The following TCERG1L variants were observed in gnomAD, a reference collection of about 807,000 sequenced individuals.
The protein encoded by TCERG1L is transcription elongation regulator 1 like.
TCERG1L carries 37 observed loss-of-function variants against 56.3 expected under a neutral mutation model. That is an observed-to-expected ratio of 0.66 (90% confidence interval 0.51 to 0.87). The LOEUF (loss-of-function observed/expected upper bound fraction) is 0.87. Among genes scored for constraint, TCERG1L ranks in the 40% least tolerant of loss-of-function variants. The pLI is 0.00. For missense variants in TCERG1L, 799 were observed against 774.2 expected, an observed-to-expected ratio of 1.03 and a Z score of -0.38; for synonymous variants, 324 against 326.3, an observed-to-expected ratio of 0.99 and a Z score of 0.08.
At chr10:131,263,268 T>C (rs1051677237) in intron 3 of TCERG1L, among the ~76,000 whole-genome samples, 2 of 152,182 alleles carry the variant, frequency 1.3e-5, no homozygotes, top group East Asian at 1.9e-4. Flanking sequence ...CTTGTTGCCA[T>C]AGACAGATTT....
chr10:131,202,653 G>A (rs1468079917), intron 4 of TCERG1L, among the ~76,000 whole-genome samples: 1 of 152,144 alleles, frequency 6.6e-6, no homozygotes, highest in African/African-American at 2.4e-5. Flanking sequence ...ACACTGCTAA[G>A]TAAAACAGTA....
At chr10:131,177,131 T>G (rs931887789) in intron 4 of TCERG1L, among the ~76,000 whole-genome samples, 11 of 151,586 alleles carry the variant, frequency 7.3e-5, no homozygotes, top group Non-Finnish European at 1.6e-4. Context: ...CACAGAGATA[T>G]GCACACACAC....
chr10:131,284,422 A>G lies in TCERG1L; in HGVS notation c.670+23789T>C, dbSNP rs544578815. 2.0e-4 allele frequency among the ~76,000 whole-genome samples: 31 copies of G among 152,186 alleles called. 1 individual carries two copies. The South Asian group carries it at 6.4e-3, about 32-fold the overall frequency. On this transcript the variant is annotated intron_variant, in intron 3 of 11. Transcript: ENST00000368642. ...AGCAGTGAAAATTGTATTAAAGAGA[A>G]AGGGATAGCCTTAAATCTTTTATGA...
At chr10:131,171,698 G>A (rs1364038162) in intron 4 of TCERG1L, among the ~76,000 whole-genome samples, 3 of 152,164 alleles carry the variant, frequency 2.0e-5, no homozygotes, top group Non-Finnish European at 2.9e-5. Context: ...AGCCTCCCGA[G>A]CAGCTGAGAT....
At chr10:131,122,774 G>C (rs1845526835) in intron 8 of TCERG1L, among the ~76,000 whole-genome samples, 1 of 152,236 alleles carries the variant, frequency 6.6e-6, no homozygotes, top group African/African-American at 2.4e-5. Context: ...TGTGAGGGTA[G>C]ACTGGGGACC....
chr10:131,231,284 A>G (rs1182014908), intron 4 of TCERG1L, among the ~76,000 whole-genome samples: 1 of 152,248 alleles, frequency 6.6e-6, no homozygotes, highest in African/African-American at 2.4e-5. Flanking sequence ...AGCTGTGATC[A>G]TAGAGCTACG....
In TCERG1L at chr10:131,093,338, C is replaced by T; in HGVS notation, c.1605-20G>A. The stretch of plus-strand genomic sequence containing the variant: ...GTGGTCCTGAAAAAGAAAGAGTTTC[C>T]TGAGACACCTTCCAGAGAGCAACTC... On this transcript the variant is annotated intron_variant, in intron 11 of 11. Coordinates refer to ENST00000368642, the MANE Select transcript of TCERG1L (RefSeq NM_174937.4). 1.2e-6 allele frequency: 2 copies of T among 1,611,394 alleles called. No homozygotes were observed. Among genetic ancestry groups the T allele is most frequent in the South Asian group, 2.2e-5 (2 of 90,498 alleles).
chr10:131,110,550 G>C (rs149765275), intron 9 of TCERG1L, among the ~76,000 whole-genome samples: 7 of 152,204 alleles, frequency 4.6e-5, no homozygotes, highest in Non-Finnish European at 1.0e-4. Context: ...AGCACGGCCC[G>C]AGCCCAGCAC....
chr10:131,226,815 G>A (rs942053081), intron 4 of TCERG1L, among the ~76,000 whole-genome samples: 2 of 152,262 alleles, frequency 1.3e-5, no homozygotes, highest in African/African-American at 4.8e-5. Context: ...GGGGCAGACG[G>A]ACAGATAAAG....
rs896833749 is a variant in TCERG1L at position 131,267,469 on chromosome 10, T to C, written c.671-7025A>G. Among the ~76,000 whole-genome samples the C allele has an allele frequency of 6.6e-6, 1 of 152,192 alleles. No individual in the cohort carries two copies. On this transcript the variant is annotated intron_variant, in intron 3 of 11. Transcript: ENST00000368642. The surrounding 1 kb of genome is among the most constrained non-coding windows in gnomAD (Gnocchi z 4.9). ...CCTCGGCAGCTCCCACACTGCCAAC[T>C]TGAGGGGGGTCATGGCTCCTGCCTG... is the stretch of plus-strand genomic sequence containing the variant.
chr10:131,175,138 G>T (rs2133444547), intron 4 of TCERG1L, among the ~76,000 whole-genome samples: 1 of 150,022 alleles, frequency 6.7e-6, no homozygotes. Flanking sequence ...GTGATCCAGG[G>T]CCTGGGGCAC....
At chr10:131,117,976 G>T (rs369425004) in intron 8 of TCERG1L, among the ~76,000 whole-genome samples, 2 of 152,132 alleles carry the variant, frequency 1.3e-5, no homozygotes, top group Non-Finnish European at 2.9e-5. Flanking sequence ...CAGGTCCGTC[G>T]GCTGCCACCC....
intron 4 of TCERG1L, among the ~76,000 whole-genome samples, chr10:131,215,823 G>A (rs1393409135): frequency 1.3e-5 from 2 of 152,178 alleles, no homozygotes; most frequent in African/African-American, 4.8e-5. Flanking sequence ...TGACCATGCT[G>A]AAGGGAAACA....
At chr10:131,201,556 A>G (rs2944478) in intron 4 of TCERG1L, among the ~76,000 whole-genome samples, 1 of 152,000 alleles carries the variant, frequency 6.6e-6, no homozygotes, top group South Asian at 2.1e-4. Flanking sequence ...AAACGCCACA[A>G]TCTTAGAAGC....
At chr10:131,102,329 C>G (rs563874962) in intron 10 of TCERG1L, among the ~76,000 whole-genome samples, 1 of 152,248 alleles carries the variant, frequency 6.6e-6, no homozygotes, top group Non-Finnish European at 1.5e-5. Flanking sequence ...GGGAGAGGGT[C>G]CAGTTCCAAT....
Position 131,311,673 on chromosome 10 carries a change from G to C in TCERG1L, c.-38C>G. The C allele has an allele frequency of 9.5e-7, 1 of 1,052,410 alleles. No individual in the cohort carries two copies. The allele number at this position is 1,052,410 out of a possible 1,614,324, so 65.2% of individuals were successfully genotyped here. A position where few individuals can be genotyped will look rare whatever the true frequency, so the allele number is the denominator to read the frequency against. On this transcript the variant is annotated 5_prime_UTR_variant, in exon 1 of 12. Coordinates refer to ENST00000368642, the MANE Select transcript of TCERG1L (RefSeq NM_174937.4). The surrounding 1 kb of genome is among the most constrained non-coding windows in gnomAD (Gnocchi z 4.0). ...CGCTGACGGCGGCGGCGGGGGCGGCGGGCGCCCGAGATGCTGGGCCGGCGG... is the reference window on the plus strand; with the variant it reads ...CGCTGACGGCGGCGGCGGGGGCGGCCGGCGCCCGAGATGCTGGGCCGGCGG...
chr10:131,203,085 CT>C (rs1427650904), intron 4 of TCERG1L, among the ~76,000 whole-genome samples: 2 of 152,186 alleles, frequency 1.3e-5, no homozygotes, highest in African/African-American at 4.8e-5. Flanking sequence ...AGGAATTCCA[CT>C]TACAAATTCA....
chr10:131,145,419 T>C (rs140122318), intron 7 of TCERG1L, among the ~76,000 whole-genome samples: 68 of 152,368 alleles, frequency 4.5e-4, no homozygotes, highest in African/African-American at 1.4e-3. Context: ...CAACTCCATA[T>C]GGACCTTGGA....
chr10:131,142,045 C>T (rs1845744401), intron 7 of TCERG1L, among the ~76,000 whole-genome samples: 1 of 152,236 alleles, frequency 6.6e-6, no homozygotes, highest in Non-Finnish European at 1.5e-5. Context: ...TCACCTGCTT[C>T]ACCTTGGCAT....
Sources: gnomAD v4.1 joint callset for allele counts (sites outside exome capture counted in the v4.1 genomes callset) on GRCh38, gnomAD v4.1.1 for gene constraint, Gnocchi (gnomAD v3.1) non-coding constraint, MANE v1.5 for transcripts, NCBI Gene and HGNC (gene_info 2026-07-23, HGNC 2026-07-21) for gene names.